The following STAC variants were observed in gnomAD, a reference collection of about 807,000 sequenced individuals.
STAC encodes the protein SH3 and cysteine rich domain, also known as SH3 and cysteine-rich domain-containing protein.
In STAC, 43 loss-of-function variants were observed where a neutral mutation model predicts 48.8. The ratio of observed to expected loss-of-function variants is 0.88; its 90% CI spans 0.69 to 1.14. The LOEUF (loss-of-function observed/expected upper bound fraction) is 1.14, where lower values mean the gene tolerates loss of function less well. Among genes scored for constraint, STAC ranks in the 50% most tolerant of loss-of-function variants. STAC has a pLI of 0.00. For synonymous variants in STAC, 193 were observed against 179.5 expected (o/e 1.07, Z -0.60); for missense variants, 497 against 504.0 (o/e 0.99, Z 0.13).
chr3:36,400,743 T>C (rs188957047), intron 1 of STAC, among the ~76,000 whole-genome samples: 2 of 152,320 alleles, frequency 1.3e-5, no homozygotes, highest in Admixed American at 6.5e-5. Flanking sequence ...AGACCAGACT[T>C]TGAGCACCAC....
intron 1 of STAC, among the ~76,000 whole-genome samples, chr3:36,405,554 C>G (rs555928172): frequency 6.6e-6 from 1 of 152,298 alleles, no homozygotes; most frequent in African/African-American, 2.4e-5. Flanking sequence ...CCCAGATACA[C>G]AACTGATCGC....
At chr3:36,541,980 T>C (rs1353323551) in intron 10 of STAC, among the ~76,000 whole-genome samples, 2 of 151,678 alleles carry the variant, frequency 1.3e-5, no homozygotes, top group African/African-American at 4.9e-5. Flanking sequence ...GGAAGTCTCT[T>C]TATGTTAGAG....
rs1699437553 is a variant in STAC, at chr3:36,546,095, C to T, written c.1111-96C>T. 8.2e-6 allele frequency: 8 copies of T among 977,756 alleles called. No individual in the cohort carries two copies. In the South Asian group the frequency reaches 9.9e-5, roughly 12 times the overall value. 60.6% of individuals were successfully genotyped at this position (977,756 alleles called of 1,614,324 possible). A position where few individuals can be genotyped will look rare whatever the true frequency, so the allele number is the denominator to read the frequency against. On this transcript the variant is annotated intron_variant, in intron 10 of 10. Coordinates refer to ENST00000273183, the MANE Select transcript of STAC (RefSeq NM_003149.3). ...GCTCTCCCTTTTCCAGTTTGTTGCT[C>T]CTGCAACCTCAGTCAGCAGGGATTC...
chr3:36,502,019 A>G (rs949498634), intron 6 of STAC, among the ~76,000 whole-genome samples: 1 of 152,204 alleles, frequency 6.6e-6, no homozygotes, highest in African/African-American at 2.4e-5. Flanking sequence ...ATAATCCAGT[A>G]ATGTAACTTG....
intron 1 of STAC, among the ~76,000 whole-genome samples, chr3:36,403,348 A>C (rs750640765): frequency 2.0e-5 from 3 of 152,224 alleles, no homozygotes; most frequent in Non-Finnish European, 4.4e-5. Flanking sequence ...TGAAATATTG[A>C]AAGTTGACAC....
chr3:36,535,354 A>C (rs1221432321), intron 10 of STAC, among the ~76,000 whole-genome samples: 5 of 152,204 alleles, frequency 3.3e-5, no homozygotes, highest in African/African-American at 1.2e-4. Context: ...GCTGTGAATC[A>C]GCTTAAGAAG....
At chr3:36,486,098 T>G in intron 4 of STAC, 36 bp from the exon 5 acceptor site, 295 of 1,557,062 alleles carry the variant, frequency 1.9e-4, no homozygotes, top group Non-Finnish European at 2.3e-4. Flanking sequence ...TCCTCTCAGA[T>G]GAGCTTCCTC....
chr3:36,531,762 T>G (rs1344761238), intron 10 of STAC, among the ~76,000 whole-genome samples: 1 of 152,132 alleles, frequency 6.6e-6, no homozygotes, highest in Admixed American at 6.5e-5. Flanking sequence ...TAAGAGACAG[T>G]GAGAAACCCC....
chr3:36,418,255 T>G (rs1296210191), intron 1 of STAC, among the ~76,000 whole-genome samples: 1 of 152,206 alleles, frequency 6.6e-6, no homozygotes. Context: ...ATGAACTCTT[T>G]AATGGCTTTG....
chr3:36,508,439 C>T (rs1411559796), intron 8 of STAC, among the ~76,000 whole-genome samples: 5 of 152,212 alleles, frequency 3.3e-5, no homozygotes, highest in Admixed American at 3.3e-4. Context: ...ATTAGGTCTG[C>T]TTGGTCCAGA....
chr3:36,384,214 C>G (rs1242264795), intron 1 of STAC, among the ~76,000 whole-genome samples: 4 of 152,158 alleles, frequency 2.6e-5, no homozygotes, highest in African/African-American at 9.6e-5. Context: ...ACATAGAAAG[C>G]TTGCTAGTGT....
At chr3:36,418,318 T>A (rs1700365352) in intron 1 of STAC, among the ~76,000 whole-genome samples, 1 of 152,226 alleles carries the variant, frequency 6.6e-6, no homozygotes, top group Non-Finnish European at 1.5e-5. Flanking sequence ...TTTACACTTA[T>A]TATTTTCATA....
At chr3:36,432,511 G>A (rs181186110) in intron 1 of STAC, among the ~76,000 whole-genome samples, 3 of 152,148 alleles carry the variant, frequency 2.0e-5, no homozygotes, top group Non-Finnish European at 4.4e-5. Flanking sequence ...AGACCAGCCT[G>A]GCCAACATGG....
At chr3:36,382,279 T>G (rs754750298) in intron 1 of STAC, among the ~76,000 whole-genome samples, 10 of 152,208 alleles carry the variant, frequency 6.6e-5, no homozygotes, top group Non-Finnish European at 1.2e-4. Context: ...AAACTAGTAT[T>G]GAACTTTTTG....
intron 2 of STAC, among the ~76,000 whole-genome samples, chr3:36,482,714 C>T (rs1456074): frequency 0.64 from 97,278 of 152,036 alleles, 31,540 homozygotes; most frequent in African/African-American, 0.72. Context: ...AAATGGAATT[C>T]ACTAGCTTGA....
At chr3:36,472,819 G>A (rs1697377137) in intron 2 of STAC, among the ~76,000 whole-genome samples, 1 of 152,178 alleles carries the variant, frequency 6.6e-6, no homozygotes, top group Admixed American at 6.6e-5. Flanking sequence ...TCTTTAGGAA[G>A]TTCCAAACTT....
chr3:36,462,958 G>A (rs983443014), intron 2 of STAC, among the ~76,000 whole-genome samples: 25 of 152,072 alleles, frequency 1.6e-4, no homozygotes, highest in African/African-American at 6.0e-4. Flanking sequence ...TTATATGATT[G>A]TTAGGTTGAC....
At chr3:36,445,065 T>C (rs536919567) in intron 2 of STAC, among the ~76,000 whole-genome samples, 3 of 152,310 alleles carry the variant, frequency 2.0e-5, no homozygotes, top group Non-Finnish European at 2.9e-5. Context: ...AACCCTTAAA[T>C]AGGTGATGAT....
intron 1 of STAC, among the ~76,000 whole-genome samples, chr3:36,426,824 T>C (rs185621468): frequency 2.2e-4 from 34 of 151,674 alleles, no homozygotes; most frequent in Admixed American, 1.4e-3. Flanking sequence ...CATCACACTC[T>C]TCTAACATGG....
Sources: allele counts gnomAD v4.1 joint callset (sites outside exome capture counted in the v4.1 genomes callset), GRCh38; gene constraint gnomAD v4.1.1; transcripts MANE v1.5; gene names NCBI Gene and HGNC (gene_info 2026-07-23, HGNC 2026-07-21).